DOCK3: variants seen among roughly 807,000 people sequenced by gnomAD.
The protein encoded by DOCK3 is dedicator of cytokinesis 3, also known as dedicator of cytokinesis protein 3.
A neutral mutation model predicts 265.6 loss-of-function variants in DOCK3; 60 were observed. That is an observed-to-expected ratio of 0.23 (90% CI 0.18 to 0.28). The LOEUF (loss-of-function observed/expected upper bound fraction) is 0.28, where lower values mean the gene tolerates loss of function less well. Among genes scored for constraint, DOCK3 ranks in the 10% least tolerant of loss-of-function variants. The probability of loss-of-function intolerance (pLI) is 1.00; values close to 1 mark genes in which losing one functional copy is unlikely to be tolerated. For synonymous variants in DOCK3, 881 were observed against 938.0 expected, an observed-to-expected ratio of 0.94 and a Z score of 1.11; for missense variants, 1,981 against 2,594.3, an observed-to-expected ratio of 0.76 and a Z score of 5.14.
At chr3:50,942,098 G>A (rs955923784) in intron 5 of DOCK3, among the ~76,000 whole-genome samples, 2 of 152,064 alleles carry the variant, frequency 1.3e-5, no homozygotes, top group Non-Finnish European at 2.9e-5. Flanking sequence ...ATCAATGGAT[G>A]AAGCTGGGTA....
chr3:51,182,972 T>C (rs1379118198), intron 12 of DOCK3, among the ~76,000 whole-genome samples: 2 of 152,242 alleles, frequency 1.3e-5, no homozygotes, highest in African/African-American at 4.8e-5. Context: ...ACAGTTTTTA[T>C]ACTAATCCTG....
chr3:50,938,848 A>G (rs1362442576), intron 5 of DOCK3, among the ~76,000 whole-genome samples: 1 of 151,726 alleles, frequency 6.6e-6, no homozygotes, highest in East Asian at 1.9e-4. Context: ...GTAAGAAACT[A>G]AAAAAGGACT....
At chr3:51,085,904 G>A (rs1284198052) in intron 7 of DOCK3, among the ~76,000 whole-genome samples, 4 of 152,054 alleles carry the variant, frequency 2.6e-5, no homozygotes, top group Non-Finnish European at 5.9e-5. Context: ...AGATAAAATC[G>A]ATAAACCACT....
chr3:51,347,473 A>G (rs1277471931), intron 38 of DOCK3, among the ~76,000 whole-genome samples: 5 of 151,026 alleles, frequency 3.3e-5, no homozygotes, highest in African/African-American at 1.2e-4. Context: ...ATTTCTGAGG[A>G]CTCTGTTCTG....
chr3:51,337,001 T>C, intron 35 of DOCK3: 1 of 417,140 alleles, frequency 2.4e-6, no homozygotes, highest in Non-Finnish European at 4.8e-6. Flanking sequence ...GCCTCACTCC[T>C]CGAAAAGTCA....
rs1004659771 is a variant in DOCK3 at position 51,064,551 on chromosome 3, G to C, written c.419G>C (p.Arg140Pro). Reference protein sequence around the residue: ...LSGHLTQDQVREVKRHITVRL... With the variant: ...LSGHLTQDQVPEVKRHITVRL... ...GGTCACCTGACTCAGGATCAGGTGCGGGAGGTTAAGCGGCACATCACCGTG... is the reference window on the plus strand; with the variant it reads ...GGTCACCTGACTCAGGATCAGGTGCCGGAGGTTAAGCGGCACATCACCGTG... Residue 140 changes from arginine (R) to proline (P), a missense_variant, in exon 6 of 53, where the codon CGG becomes CCG. By Grantham distance (103) the Arg-to-Pro change is moderately radical. Transcript: ENST00000266037. 6.2e-7 allele frequency: 1 copy of C among 1,613,950 alleles called. No homozygotes were observed.
chr3:51,383,866 G>T lies in DOCK3; in HGVS notation c.*2307G>T, dbSNP rs1363054504. ...ATGTATAGAGTGTGATGTCCAATTG[G>T]TATTCAGCACTATAAATGTGTTTTT... is the stretch of plus-strand genomic sequence containing the variant. On this transcript the variant is annotated 3_prime_UTR_variant, in exon 53 of 53. Transcript: ENST00000266037. The T allele has an allele frequency of 6.6e-6, 1 of 152,496 alleles. No homozygotes were observed. The highest frequency in any genetic ancestry group is 6.5e-5 in the Admixed American group (1 of 15,282). 9.4% of individuals were successfully genotyped at this position (152,496 alleles called of 1,614,324 possible). A position where few individuals can be genotyped will look rare whatever the true frequency, so the allele number is the denominator to read the frequency against.
intron 23 of DOCK3, among the ~76,000 whole-genome samples, chr3:51,266,823 A>C (rs1185523149): frequency 6.6e-6 from 1 of 152,230 alleles, no homozygotes; most frequent in Non-Finnish European, 1.5e-5. Context: ...CAAAATTGAC[A>C]AATGGAATCT....
At chr3:51,349,644 T>G (rs1231956344) in intron 39 of DOCK3, among the ~76,000 whole-genome samples, 1 of 152,204 alleles carries the variant, frequency 6.6e-6, no homozygotes, top group Admixed American at 6.5e-5. Flanking sequence ...TGCAGTGAGT[T>G]TTTTTCTGAA....
intron 9 of DOCK3, among the ~76,000 whole-genome samples, chr3:51,122,451 TAAAAG>T (rs1297273237): frequency 3.3e-5 from 5 of 151,986 alleles, no homozygotes; most frequent in African/African-American, 1.2e-4. Context: ...TGTCTCAAAA[TAAAAG>T]AAAGATAGAG....
intron 1 of DOCK3, among the ~76,000 whole-genome samples, chr3:50,684,860 A>C (rs1437359753): frequency 6.6e-6 from 1 of 152,114 alleles, no homozygotes; most frequent in East Asian, 1.9e-4. Flanking sequence ...AATACATTTG[A>C]GCTTTTTATT....
intron 5 of DOCK3, among the ~76,000 whole-genome samples, chr3:51,024,438 T>G (rs2079725776): frequency 6.6e-6 from 1 of 152,142 alleles, no homozygotes; most frequent in South Asian, 2.1e-4. Context: ...TACCCAATGG[T>G]GGGCAGAGGT....
chr3:51,237,611 T>A, intron 21 of DOCK3, 21 bp downstream of exon 21: 1 of 1,594,842 alleles, frequency 6.3e-7, no homozygotes, highest in Non-Finnish European at 8.6e-7. Context: ...TTTGGTATCA[T>A]CATTAGGACT....
At chr3:51,373,448 CATGGAT>C (rs2087841995) in intron 49 of DOCK3, among the ~76,000 whole-genome samples, 1 of 152,220 alleles carries the variant, frequency 6.6e-6, no homozygotes, top group Admixed American at 6.5e-5. Flanking sequence ...AGTGGTTTCT[CATGGAT>C]ATGCTGGTAT....
At position 51,313,052 on chromosome 3, in the gene DOCK3, T is replaced by C. The variant is rs1364062328; in HGVS notation, c.3253+150T>C. The stretch of plus-strand genomic sequence containing the variant: ...TTCACATAACACCTCAGATGGATGG[T>C]GTAGCACATGTGCATAAAGCCCTTG... On this transcript the variant is annotated intron_variant, in intron 31 of 52. Transcript: ENST00000266037. The C allele has an allele frequency of 5.6e-6, 4 of 712,352 alleles. No homozygotes were observed. In the Admixed American group the frequency reaches 1.0e-4, roughly 18 times the overall value. The allele number at this position is 712,352 out of a possible 1,614,324, so 44.1% of individuals were successfully genotyped here.
intron 44 of DOCK3, 106 bp from the exon 45 acceptor site, chr3:51,357,652 C>A: frequency 9.4e-7 from 1 of 1,060,682 alleles, no homozygotes; most frequent in Non-Finnish European, 1.4e-6. Context: ...TATGAGGAGA[C>A]AGCCTGGCTG....
At chr3:50,889,917 CAGG>C (rs2048562121) in intron 3 of DOCK3, 106 bp from the exon 4 acceptor site, 1 of 824,734 alleles carries the variant, frequency 1.2e-6, no homozygotes, top group Admixed American at 4.2e-5. Context: ...GTTGCTGTAG[CAGG>C]AGATCTACTA....
intron 27 of DOCK3, among the ~76,000 whole-genome samples, chr3:51,305,918 C>T (rs1353222484): frequency 7.2e-6 from 1 of 138,936 alleles, no homozygotes; most frequent in Non-Finnish European, 1.5e-5. Flanking sequence ...AGCTCACTGC[C>T]ACCACAGTCT....
chr3:51,355,976 G>A, intron 41 of DOCK3, 113 bp from the exon 42 acceptor site: 1 of 1,369,176 alleles, frequency 7.3e-7, no homozygotes, highest in South Asian at 1.3e-5. Context: ...CTACTGGGCT[G>A]TCAGTAAGGA....
Sources: allele counts gnomAD v4.1 joint callset (sites outside exome capture counted in the v4.1 genomes callset), GRCh38; gene constraint gnomAD v4.1.1; transcripts MANE v1.5; gene names NCBI Gene and HGNC (gene_info 2026-07-23, HGNC 2026-07-21).